CASR: variants seen among roughly 807,000 people sequenced by gnomAD.
The protein encoded by CASR is calcium sensing receptor, also known as extracellular calcium-sensing receptor.
In CASR, 23 loss-of-function variants were observed where a neutral mutation model predicts 69.1. The ratio of observed to expected loss-of-function variants is 0.33; its 90% CI spans 0.24 to 0.47. The LOEUF is 0.47. Among genes scored for constraint, CASR ranks in the 20% least tolerant of loss-of-function variants. The pLI is 1.00. For synonymous variants in CASR, 541 were observed against 544.7 expected, an observed-to-expected ratio of 0.99 and a Z score of 0.10; for missense variants, 924 against 1,356.1, an observed-to-expected ratio of 0.68 and a Z score of 5.00.
At chr3:122,229,389 T>G (rs2074258834) in intron 1 of CASR, among the ~76,000 whole-genome samples, 1 of 152,272 alleles carries the variant, frequency 6.6e-6, no homozygotes, top group Admixed American at 6.5e-5. Flanking sequence ...CACAGAAGTC[T>G]ATACCCTTCT....
At chr3:122,280,638 C>T (rs752487956) in intron 5 of CASR, among the ~76,000 whole-genome samples, 1 of 152,160 alleles carries the variant, frequency 6.6e-6, no homozygotes, top group Non-Finnish European at 1.5e-5. Flanking sequence ...TCATCAGGTC[C>T]ATTACTGCCT....
chr3:122,217,926 G>A (rs75017267), intron 1 of CASR, among the ~76,000 whole-genome samples: 23,746 of 151,932 alleles, frequency 0.16, 1,886 homozygotes, highest in Non-Finnish European at 0.17. Context: ...TCACATCTAA[G>A]CAGAGTGAGG....
At chr3:122,281,176 A>G (rs1385051723) in intron 5 of CASR, among the ~76,000 whole-genome samples, 1 of 152,186 alleles carries the variant, frequency 6.6e-6, no homozygotes, top group Non-Finnish European at 1.5e-5. Flanking sequence ...GGTTTTGTTT[A>G]TTTGTTTTGT....
At position 122,220,178 on chromosome 3, in the gene CASR, G is replaced by C. The variant is rs192589254; in HGVS notation, c.-242-33770G>C. Among the ~76,000 whole-genome samples, 9 of 152,300 alleles carry C rather than the reference G, an allele frequency of 5.9e-5. No homozygotes were observed. In the South Asian group the frequency reaches 1.0e-3, roughly 18 times the overall value. ...AGAAGAGACACCTGATCCCAAGATA[G>C]AGACAACAAAGAAGGATGATCCATT... On this transcript the variant is annotated intron_variant, in intron 1 of 6. Transcript: ENST00000639785.
chr3:122,259,423 A>G (rs1187251468), intron 3 of CASR, among the ~76,000 whole-genome samples: 1 of 152,176 alleles, frequency 6.6e-6, no homozygotes, highest in Non-Finnish European at 1.5e-5. Context: ...CACCTGCCTC[A>G]TAAGTTCTGT....
rs201828974 is a variant in CASR, at chr3:122,284,058, G to A, written c.2104G>A (p.Val702Ile). The A allele has an allele frequency of 3.4e-5, 55 of 1,614,070 alleles. No homozygotes were observed. Among genetic ancestry groups the A allele is most frequent in the Middle Eastern group, 1.6e-4 (1 of 6,084 alleles). Reference protein sequence around the residue: ...ISCILVKTNRVLLVFEAKIPT... With the variant: ...ISCILVKTNRILLVFEAKIPT... Reference sequence around the variant, plus strand: ...ATGCATCCTGGTGAAAACCAACCGTGTCCTCCTGGTGTTTGAGGCCAAGAT... The same window carrying A: ...ATGCATCCTGGTGAAAACCAACCGTATCCTCCTGGTGTTTGAGGCCAAGAT... The change falls in exon 7 of 7, where the codon GTC (valine) becomes ATC (isoleucine). Residue 702 changes from valine to isoleucine, a missense_variant. Val to Ile is a conservative substitution (Grantham distance 29). Coordinates refer to ENST00000639785, the MANE Select transcript of CASR (RefSeq NM_000388.4).
Position 122,202,813 on chromosome 3 carries a change from G to A in CASR, c.-243+19001G>A, listed in dbSNP as rs565212840. Among the ~76,000 whole-genome samples, 37 of 152,070 alleles carry A rather than the reference G, an allele frequency of 2.4e-4. No individual in the cohort carries two copies. In the South Asian group the frequency reaches 6.2e-3, roughly 26 times the overall value. ...TTCCTATCACATTTAAATCTTCAAG[G>A]CATTTGCAATTGATTTTTGTGTATG... On this transcript the variant is annotated intron_variant, in intron 1 of 6. Transcript: ENST00000639785.
chr3:122,268,430 C>A (rs2074718322), intron 4 of CASR, among the ~76,000 whole-genome samples: 1 of 152,164 alleles, frequency 6.6e-6, no homozygotes, highest in African/African-American at 2.4e-5. Context: ...TGACTTTTGC[C>A]CTCTGGGCAC....
rs1301893790 is a variant in CASR at position 122,261,867 on chromosome 3, C to G, written c.832C>G (p.Pro278Ala). Residue 278 changes from proline (P) to alanine (A), a missense_variant, in exon 4 of 7, where the codon CCC (proline) becomes GCC (alanine). Pro to Ala is a conservative substitution (Grantham distance 27). Transcript: ENST00000639785. Reference sequence around the variant, plus strand: ...TTTCTCCAGTGGCCCAGATCTTGAGCCCCTCATCAAGGAGATTGTCCGGCG... The same window carrying G: ...TTTCTCCAGTGGCCCAGATCTTGAGGCCCTCATCAAGGAGATTGTCCGGCG... Reference protein sequence around the residue: ...VVFSSGPDLEPLIKEIVRRNI... With the variant: ...VVFSSGPDLEALIKEIVRRNI... 6.2e-7 allele frequency: 1 copy of G among 1,614,096 alleles called. No individual in the cohort carries two copies. Among genetic ancestry groups the G allele is most frequent in the Admixed American group, 1.7e-5 (1 of 60,012 alleles).
At chr3:122,231,724 A>C (rs996217428) in intron 1 of CASR, among the ~76,000 whole-genome samples, 1 of 150,074 alleles carries the variant, frequency 6.7e-6, no homozygotes, top group African/African-American at 2.4e-5. Context: ...TTTCATCAGC[A>C]TCTCAAAGAC....
Position 122,252,256 on chromosome 3 carries a change from G to A in CASR, c.-242-1692G>A, listed in dbSNP as rs149100377. ...TGAGGTTGTAGTGAGCTGTGATGGC[G>A]CCACTGCATTCCAGGCTGGGCGACA... is the stretch of plus-strand genomic sequence containing the variant. On this transcript the variant is annotated intron_variant, in intron 1 of 6. Coordinates refer to ENST00000639785, the MANE Select transcript of CASR (RefSeq NM_000388.4). Among the ~76,000 whole-genome samples the A allele has an allele frequency of 1.3e-3, 198 of 150,386 alleles. 2 individuals are homozygous for A. Among genetic ancestry groups the A allele is most frequent in the African/African-American group, 4.6e-3 (188 of 40,682 alleles).
Position 122,290,736 on chromosome 3 carries a change from T to A in CASR, c.*5545T>A, listed in dbSNP as rs1015675734. On this transcript the variant is annotated 3_prime_UTR_variant, in exon 7 of 7. Coordinates refer to ENST00000639785, the MANE Select transcript of CASR (RefSeq NM_000388.4). ...CCTCCAAATTTTTCTTTATTCTTTT[T>A]TTTTTATTATACTTTAAGTTTTAGG... 3.3e-5 allele frequency: 5 copies of A among 152,202 alleles called. No individual in the cohort carries two copies. The highest frequency in any genetic ancestry group is 3.3e-4 in the Admixed American group (5 of 15,286). 9.4% of individuals were successfully genotyped at this position (152,202 alleles called of 1,614,324 possible). A position where few individuals can be genotyped will look rare whatever the true frequency, so the allele number is the denominator to read the frequency against.
chr3:122,200,780 A>T (rs539170248), intron 1 of CASR, among the ~76,000 whole-genome samples: 1 of 152,166 alleles, frequency 6.6e-6, no homozygotes, highest in African/African-American at 2.4e-5. Flanking sequence ...TTATTAGACA[A>T]TGCAAAATGG....
At chr3:122,270,737 C>T (rs1176418803) in intron 4 of CASR, among the ~76,000 whole-genome samples, 1 of 152,028 alleles carries the variant, frequency 6.6e-6, no homozygotes, top group Non-Finnish European at 1.5e-5. Context: ...TCCAACTTTC[C>T]TTTTGATTTC....
chr3:122,222,404 A>C (rs2074180602), intron 1 of CASR, among the ~76,000 whole-genome samples: 1 of 152,214 alleles, frequency 6.6e-6, no homozygotes, highest in Admixed American at 6.5e-5. Flanking sequence ...ATTAGAGAAA[A>C]AAAAATTCCT....
chr3:122,240,965 T>A (rs1248825783), intron 1 of CASR, among the ~76,000 whole-genome samples: 1 of 151,904 alleles, frequency 6.6e-6, no homozygotes, highest in African/African-American at 2.4e-5. Context: ...GAAGGAAATT[T>A]AAAAATCTCT....
At chr3:122,223,478 G>A (rs1184017043) in intron 1 of CASR, among the ~76,000 whole-genome samples, 1 of 152,032 alleles carries the variant, frequency 6.6e-6, no homozygotes, top group Non-Finnish European at 1.5e-5. Flanking sequence ...GGAAATCCAA[G>A]CCTCTCAAGA....
At chr3:122,263,028 C>T (rs917070119) in intron 4 of CASR, among the ~76,000 whole-genome samples, 2 of 152,238 alleles carry the variant, frequency 1.3e-5, no homozygotes, top group African/African-American at 4.8e-5. Flanking sequence ...GGAGTTCCCA[C>T]ACTTGTTTAG....
chr3:122,291,475 G>A lies in CASR; in HGVS notation c.*6284G>A, dbSNP rs1227872837. ...TGGTTTTGATTTGCATTTCTCTGAT[G>A]GCCAGTGATGATGAGCATTATAAAT... is the stretch of plus-strand genomic sequence containing the variant. On this transcript the variant is annotated 3_prime_UTR_variant, in exon 7 of 7. Transcript: ENST00000639785. The A allele has an allele frequency of 6.6e-6, 1 of 152,080 alleles. No homozygotes were observed. Among genetic ancestry groups the A allele is most frequent in the Non-Finnish European group, 1.5e-5 (1 of 68,024 alleles). The allele number at this position is 152,080 out of a possible 1,614,324, so 9.4% of individuals were successfully genotyped here.
Sources: gnomAD v4.1 joint callset for allele counts (sites outside exome capture counted in the v4.1 genomes callset) on GRCh38, gnomAD v4.1.1 for gene constraint, MANE v1.5 for transcripts, NCBI Gene and HGNC (gene_info 2026-07-23, HGNC 2026-07-21) for gene names.